The following GRB14 variants were observed in gnomAD, a reference collection of about 807,000 sequenced individuals.
GRB14 encodes the protein growth factor receptor bound protein 14.
In GRB14, 38 loss-of-function variants were observed where a neutral mutation model predicts 69.1. The observed-to-expected ratio is 0.55, with a 90% confidence interval of 0.42 to 0.72. The LOEUF (loss-of-function observed/expected upper bound fraction) is 0.72. Among genes scored for constraint, GRB14 ranks in the 30% least tolerant of loss-of-function variants. The probability of loss-of-function intolerance (pLI) is 0.00; values close to 1 mark genes in which losing one functional copy is unlikely to be tolerated. For synonymous variants in GRB14, 247 were observed against 241.3 expected (o/e 1.02, Z -0.22); for missense variants, 666 against 666.1 (o/e 1.00, Z 0.00).
chr2:164,609,707 A>G (rs1328358421), intron 2 of GRB14, among the ~76,000 whole-genome samples: 1 of 152,200 alleles, frequency 6.6e-6, no homozygotes, highest in Admixed American at 6.5e-5. Context: ...TCAGCAATCA[A>G]TATTTCTCAC....
intron 5 of GRB14, among the ~76,000 whole-genome samples, chr2:164,524,371 T>C (rs1373597020): frequency 6.6e-6 from 1 of 152,120 alleles, no homozygotes; most frequent in African/African-American, 2.4e-5. Context: ...TTTATTGTAA[T>C]GACAATGTCT....
chr2:164,599,729 G>T (rs1689869842), intron 2 of GRB14, among the ~76,000 whole-genome samples: 1 of 152,180 alleles, frequency 6.6e-6, no homozygotes, highest in Admixed American at 6.5e-5. Flanking sequence ...ATTATGATGT[G>T]AATGACATAT....
intron 3 of GRB14, among the ~76,000 whole-genome samples, chr2:164,531,478 C>T (rs182126355): frequency 3.6e-3 from 542 of 152,276 alleles, no homozygotes; most frequent in African/African-American, 0.012. Context: ...GAATTCTGCC[C>T]TCATACTACA....
At chr2:164,539,417 G>A (rs1688175908) in intron 3 of GRB14, among the ~76,000 whole-genome samples, 1 of 151,918 alleles carries the variant, frequency 6.6e-6, no homozygotes, top group African/African-American at 2.4e-5. Context: ...GGAGGAGGCA[G>A]TGAGCCAGTA....
At chr2:164,557,499 A>AT (rs1429023439) in intron 2 of GRB14, among the ~76,000 whole-genome samples, 1 of 152,238 alleles carries the variant, frequency 6.6e-6, no homozygotes, top group Non-Finnish European at 1.5e-5. Context: ...GAATCAGGAT[A>AT]AATATCCACA....
At chr2:164,612,306 C>T (rs995432599) in intron 2 of GRB14, among the ~76,000 whole-genome samples, 2 of 152,168 alleles carry the variant, frequency 1.3e-5, no homozygotes, top group Non-Finnish European at 2.9e-5. Context: ...TTCTGGAATA[C>T]AAGCATTTGT....
At chr2:164,493,245 C>T (rs1686806229) in intron 13 of GRB14, 63 bp from the exon 14 acceptor site, 13 of 1,456,096 alleles carry the variant, frequency 8.9e-6, no homozygotes, top group Admixed American at 1.9e-5. Flanking sequence ...CAATCATATT[C>T]GATTGCAAAC....
At chr2:164,613,529 C>T (rs1337671100) in intron 2 of GRB14, among the ~76,000 whole-genome samples, 1 of 152,184 alleles carries the variant, frequency 6.6e-6, no homozygotes, top group African/African-American at 2.4e-5. Context: ...GGAGCAGCCA[C>T]TTGAGGCCGC....
chr2:164,501,443 T>C (rs1412677774), intron 9 of GRB14, among the ~76,000 whole-genome samples: 1 of 152,100 alleles, frequency 6.6e-6, no homozygotes, highest in Non-Finnish European at 1.5e-5. Context: ...TTGTAACACA[T>C]GTGCATACAT....
intron 2 of GRB14, among the ~76,000 whole-genome samples, chr2:164,576,825 GA>G (rs34654739): frequency 0.46 from 69,233 of 149,562 alleles, 17,355 homozygotes; most frequent in Non-Finnish European, 0.56. Context: ...ATTAAAACTT[GA>G]AAAAAAAAGG....
chr2:164,542,510 A>G (rs549962645), intron 3 of GRB14, among the ~76,000 whole-genome samples: 261 of 152,332 alleles, frequency 1.7e-3, no homozygotes, highest in Non-Finnish European at 3.4e-3. Context: ...CATCCAACAA[A>G]GGTCTAATAT....
chr2:164,564,344 G>A (rs761021833), intron 2 of GRB14, among the ~76,000 whole-genome samples: 19 of 152,222 alleles, frequency 1.2e-4, no homozygotes, highest in Non-Finnish European at 2.1e-4. Flanking sequence ...TGCTAAGGAA[G>A]CCTGGACTGA....
At chr2:164,513,303 C>T (rs1687388305) in intron 6 of GRB14, among the ~76,000 whole-genome samples, 1 of 152,096 alleles carries the variant, frequency 6.6e-6, no homozygotes, top group South Asian at 2.1e-4. Flanking sequence ...AATAGTAGCC[C>T]CCCAAAAAAT....
chr2:164,587,866 C>T (rs562121777), intron 2 of GRB14, among the ~76,000 whole-genome samples: 5 of 152,040 alleles, frequency 3.3e-5, no homozygotes, highest in Non-Finnish European at 5.9e-5. Flanking sequence ...ACATGAAAGA[C>T]GGGGTGAAAT....
chr2:164,526,710 AC>A (rs1297359020), intron 4 of GRB14, among the ~76,000 whole-genome samples: 1 of 152,040 alleles, frequency 6.6e-6, no homozygotes, highest in African/African-American at 2.4e-5. Context: ...TATAATTGTT[AC>A]CTTTTCACAA....
intron 2 of GRB14, among the ~76,000 whole-genome samples, chr2:164,610,561 A>G (rs1002545302): frequency 6.6e-6 from 1 of 152,072 alleles, no homozygotes; most frequent in Non-Finnish European, 1.5e-5. Context: ...AAAAATAAAA[A>G]TATAATTTAT....
chr2:164,592,432 C>T (rs955523361), intron 2 of GRB14, among the ~76,000 whole-genome samples: 5 of 152,138 alleles, frequency 3.3e-5, no homozygotes, highest in East Asian at 3.9e-4. Flanking sequence ...CCATGCCCAG[C>T]GAGTCATGGG....
intron 6 of GRB14, among the ~76,000 whole-genome samples, chr2:164,514,001 T>G (rs1203840244): frequency 1.3e-5 from 2 of 152,236 alleles, no homozygotes; most frequent in Non-Finnish European, 2.9e-5. Flanking sequence ...ACATTTATGT[T>G]TAAGTGATAA....
chr2:164,545,810 G>A (rs1192030334), intron 3 of GRB14, among the ~76,000 whole-genome samples: 1 of 152,152 alleles, frequency 6.6e-6, no homozygotes, highest in African/African-American at 2.4e-5. Flanking sequence ...GGACAAAATT[G>A]TTGCCAAATC....
Sources: allele counts gnomAD v4.1 joint callset (sites outside exome capture counted in the v4.1 genomes callset), GRCh38; gene constraint gnomAD v4.1.1; transcripts MANE v1.5; gene names NCBI Gene and HGNC (gene_info 2026-07-23, HGNC 2026-07-21).